USH2A: variants seen among roughly 807,000 people sequenced by gnomAD.
USH2A encodes the protein usherin, also known as Usher syndrome 2A (autosomal recessive, mild).
In USH2A, 443 loss-of-function variants were observed where a neutral mutation model predicts 538.9. That is an observed-to-expected ratio of 0.82 (90% CI 0.76 to 0.89). USH2A has a LOEUF of 0.89. Among genes scored for constraint, USH2A ranks in the 40% least tolerant of loss-of-function variants. The pLI is 0.00. For synonymous variants in USH2A, 2,413 were observed against 2,273.5 expected (o/e 1.06, Z -1.75); for missense variants, 6,633 against 6,324.8 (o/e 1.05, Z -1.65).
At chr1:216,297,823 C>G (rs2037136081) in intron 9 of USH2A, among the ~76,000 whole-genome samples, 1 of 152,088 alleles carries the variant, frequency 6.6e-6, no homozygotes, top group Non-Finnish European at 1.5e-5. Context: ...ACAATACTTC[C>G]TAAGAGCCAT....
At chr1:216,316,894 G>A (rs1254967365) in intron 9 of USH2A, among the ~76,000 whole-genome samples, 1 of 152,104 alleles carries the variant, frequency 6.6e-6, no homozygotes, top group Non-Finnish European at 1.5e-5. Flanking sequence ...GCAACAACTC[G>A]CTAACTCAGG....
At chr1:215,970,580 A>G in intron 36 of USH2A, 45 bp downstream of exon 36, 1 of 1,612,594 alleles carries the variant, frequency 6.2e-7, no homozygotes, top group Non-Finnish European at 8.5e-7. Flanking sequence ...ATTCAGTGTC[A>G]TCTGACATTT....
intron 47 of USH2A, among the ~76,000 whole-genome samples, chr1:215,835,895 T>G (rs1245540579): frequency 1.3e-5 from 2 of 152,192 alleles, no homozygotes; most frequent in Admixed American, 6.5e-5. Flanking sequence ...TCTCTCACTT[T>G]CCTTGTTCTT....
At chr1:216,374,567 C>T (rs935667863) in intron 3 of USH2A, among the ~76,000 whole-genome samples, 2 of 152,094 alleles carry the variant, frequency 1.3e-5, no homozygotes, top group African/African-American at 4.8e-5. Flanking sequence ...TTGCAATTAG[C>T]AAACATTTTG....
intron 61 of USH2A, among the ~76,000 whole-genome samples, chr1:215,698,674 G>A (rs559920127): frequency 1.9e-3 from 296 of 152,132 alleles, no homozygotes; most frequent in African/African-American, 6.9e-3. Flanking sequence ...GAGGTTATTT[G>A]TTTTTTTCTT....
intron 3 of USH2A, among the ~76,000 whole-genome samples, chr1:216,402,049 T>G (rs528027079): frequency 6.6e-6 from 1 of 152,248 alleles, no homozygotes; most frequent in South Asian, 2.1e-4. Flanking sequence ...AACAGAAGAT[T>G]TATATGTGTA....
intron 9 of USH2A, among the ~76,000 whole-genome samples, chr1:216,313,355 G>A (rs1019140960): frequency 6.6e-6 from 1 of 152,158 alleles, no homozygotes; most frequent in Admixed American, 6.5e-5. Flanking sequence ...TTAGTTTTCA[G>A]TTTTTAATGA....
intron 11 of USH2A, among the ~76,000 whole-genome samples, chr1:216,287,860 C>T (rs975886699): frequency 3.3e-5 from 5 of 152,020 alleles, no homozygotes; most frequent in Non-Finnish European, 7.4e-5. Context: ...TTGTAATGAC[C>T]GTTTAAAATA....
intron 46 of USH2A, among the ~76,000 whole-genome samples, chr1:215,838,869 G>A (rs1011877428): frequency 6.6e-6 from 1 of 152,158 alleles, no homozygotes; most frequent in Non-Finnish European, 1.5e-5. Flanking sequence ...AAGAGAAACT[G>A]TACTTTTTAC....
intron 67 of USH2A, among the ~76,000 whole-genome samples, chr1:215,642,137 A>G (rs1344896252): frequency 6.6e-6 from 1 of 152,252 alleles, no homozygotes; most frequent in Non-Finnish European, 1.5e-5. Context: ...CTGAGGAAAA[A>G]GAGTAAGCAA....
intron 20 of USH2A, among the ~76,000 whole-genome samples, chr1:216,189,055 A>T (rs978789052): frequency 2.0e-5 from 3 of 151,992 alleles, no homozygotes; most frequent in Non-Finnish European, 4.4e-5. Flanking sequence ...GTTTTATAGG[A>T]GAAGAGTGTT....
intron 3 of USH2A, among the ~76,000 whole-genome samples, chr1:216,369,959 C>A (rs1453378513): frequency 6.8e-6 from 1 of 146,396 alleles, no homozygotes; most frequent in Non-Finnish European, 1.5e-5. Flanking sequence ...AGACATTGTT[C>A]TAAAATATTT....
chr1:216,098,906 G>A (rs2032511686), intron 21 of USH2A, among the ~76,000 whole-genome samples: 1 of 152,126 alleles, frequency 6.6e-6, no homozygotes, highest in African/African-American at 2.4e-5. Flanking sequence ...CTAGAGGTAT[G>A]GAAAGTTTGA....
intron 3 of USH2A, among the ~76,000 whole-genome samples, chr1:216,405,960 C>A (rs114375843): frequency 2.6e-5 from 4 of 152,120 alleles, no homozygotes; most frequent in Admixed American, 1.3e-4. Flanking sequence ...GTCATGTATA[C>A]AACATTTTGA....
In USH2A at chr1:215,999,016, A is replaced by G. The variant is rs560847831; in HGVS notation, c.6528T>C (p.Tyr2176=). Residue 2176 remains tyrosine, a synonymous_variant, in exon 34 of 72, where the codon TAT becomes TAC. Transcript: ENST00000307340. The part of the protein sequence containing the change: ...PRKISGILER[Y]VLYMSNHTHD... ...GTGTATGGTTTGACATATATAATACATAGCGTTCCAGAATCCCACTTATTT... is the reference window on the plus strand; with the variant it reads ...GTGTATGGTTTGACATATATAATACGTAGCGTTCCAGAATCCCACTTATTT... 304 of 1,612,580 alleles carry G rather than the reference A, an allele frequency of 1.9e-4. 1 individual carries two copies. The South Asian group carries it at 3.1e-3, about 16-fold the overall frequency.
intron 3 of USH2A, among the ~76,000 whole-genome samples, chr1:216,369,350 A>C (rs1214754023): frequency 6.6e-6 from 1 of 152,046 alleles, no homozygotes; most frequent in African/African-American, 2.4e-5. Context: ...TACCATCCTA[A>C]ACCTAAGGCC....
intron 49 of USH2A, among the ~76,000 whole-genome samples, chr1:215,806,386 C>T (rs533866849): frequency 6.6e-6 from 1 of 152,150 alleles, no homozygotes; most frequent in Middle Eastern, 3.4e-3. Context: ...GAGAAGAATG[C>T]CTGGCCTATA....
intron 3 of USH2A, among the ~76,000 whole-genome samples, chr1:216,411,303 C>T (rs923444429): frequency 6.6e-6 from 1 of 152,124 alleles, no homozygotes; most frequent in Non-Finnish European, 1.5e-5. Flanking sequence ...CAGTTGGATC[C>T]TATGCATTCT....
At chr1:215,754,457 T>A (rs1189612825) in intron 58 of USH2A, among the ~76,000 whole-genome samples, 1 of 151,594 alleles carries the variant, frequency 6.6e-6, no homozygotes, top group Non-Finnish European at 1.5e-5. Context: ...CACATAGACA[T>A]TTTTTTTCCC....
Sources: gnomAD v4.1 joint callset for allele counts (sites outside exome capture counted in the v4.1 genomes callset) on GRCh38, gnomAD v4.1.1 for gene constraint, MANE v1.5 for transcripts, NCBI Gene and HGNC (gene_info 2026-07-23, HGNC 2026-07-21) for gene names.